The following RAD51B variants were observed in gnomAD, a reference collection of about 807,000 sequenced individuals.
RAD51B encodes RAD51 paralog B, also known as DNA repair protein RAD51 homolog 2.
Under a neutral mutation model 42.2 loss-of-function variants are expected in RAD51B, and 38 were observed. The observed-to-expected ratio is 0.90, with a 90% CI of 0.70 to 1.18. The LOEUF (loss-of-function observed/expected upper bound fraction) is 1.18, where lower values mean the gene tolerates loss of function less well. Among genes scored for constraint, RAD51B ranks in the 50% most tolerant of loss-of-function variants. The pLI is 0.00. For synonymous variants in RAD51B, 154 were observed against 145.2 expected, an observed-to-expected ratio of 1.06 and a Z score of -0.43; for missense variants, 373 against 400.7, an observed-to-expected ratio of 0.93 and a Z score of 0.59.
intron 4 of RAD51B, among the ~76,000 whole-genome samples, chr14:67,837,212 C>T (rs945720515): frequency 2.6e-5 from 4 of 151,968 alleles, no homozygotes; most frequent in African/African-American, 7.3e-5. Context: ...TATACTGCCA[C>T]CAGGTGGTGC....
intron 7 of RAD51B, among the ~76,000 whole-genome samples, chr14:68,083,344 A>G (rs533677709): frequency 1.3e-5 from 2 of 152,340 alleles, no homozygotes; most frequent in African/African-American, 2.4e-5. Flanking sequence ...ACTGGATGCA[A>G]TAATCACACA....
chr14:68,033,376 T>C (rs2076075474), intron 7 of RAD51B, among the ~76,000 whole-genome samples: 1 of 152,236 alleles, frequency 6.6e-6, no homozygotes, highest in African/African-American at 2.4e-5. Flanking sequence ...AATTTTAAAA[T>C]CTCTTTATGT....
At position 68,297,415 on chromosome 14, in the gene RAD51B, A is replaced by T. The variant is rs1694203850; in HGVS notation, c.853+5435A>T. Among the ~76,000 whole-genome samples, 5 of 152,202 alleles carry T rather than the reference A, an allele frequency of 3.3e-5. No individual in the cohort carries two copies. In the South Asian group the frequency reaches 1.0e-3, roughly 31 times the overall value. On this transcript the variant is annotated intron_variant, in intron 8 of 10. Coordinates refer to ENST00000471583, the MANE Select transcript of RAD51B (RefSeq NM_133510.4). ...TGTGTATTTTCAGCTTTATTATTAT[A>T]GTTATGATTTATTGTCCTGCATTAC...
intron 7 of RAD51B, among the ~76,000 whole-genome samples, chr14:68,238,091 A>T (rs1190075953): frequency 6.6e-6 from 1 of 152,126 alleles, no homozygotes; most frequent in African/African-American, 2.4e-5. Flanking sequence ...CATTTTGAGG[A>T]GCTGCCAAAT....
chr14:68,468,324 A>G (rs552391765), intron 10 of RAD51B, 74 bp downstream of exon 10: 5 of 1,427,752 alleles, frequency 3.5e-6, no homozygotes, highest in Non-Finnish European at 4.9e-6. Flanking sequence ...AATTAGTGCT[A>G]TGGTTCTGAT....
intron 7 of RAD51B, among the ~76,000 whole-genome samples, chr14:68,223,847 C>T (rs2079980049): frequency 6.6e-6 from 1 of 152,144 alleles, no homozygotes; most frequent in African/African-American, 2.4e-5. Context: ...GCTATTGTTT[C>T]TTTATGGTTT....
At chr14:68,151,121 T>C (rs2078370017) in intron 7 of RAD51B, among the ~76,000 whole-genome samples, 1 of 151,936 alleles carries the variant, frequency 6.6e-6, no homozygotes, top group Admixed American at 6.6e-5. Flanking sequence ...TTTTAGCTTT[T>C]GTTTATCTGA....
At chr14:68,031,400 CAG>C (rs1412816063) in intron 7 of RAD51B, among the ~76,000 whole-genome samples, 9 of 152,166 alleles carry the variant, frequency 5.9e-5, no homozygotes, top group Non-Finnish European at 1.3e-4. Context: ...GGTGGGGACA[CAG>C]AGCCAAACCA....
intron 8 of RAD51B, among the ~76,000 whole-genome samples, chr14:68,356,915 G>T (rs374983464): frequency 6.8e-6 from 1 of 148,090 alleles, no homozygotes; most frequent in East Asian, 2.0e-4. Flanking sequence ...CCCGGGAGGC[G>T]GAGCTTGCAG....
Position 68,034,768 on chromosome 14 carries a change from GA to G in RAD51B, c.756+147567del, listed in dbSNP as rs1357464968. Among the ~76,000 whole-genome samples, 16 of 152,216 alleles carry G rather than the reference GA, an allele frequency of 1.1e-4. No individual in the cohort carries two copies. The East Asian group carries it at 2.5e-3, about 24-fold the overall frequency. On this transcript the variant is annotated intron_variant, in intron 7 of 10. Coordinates refer to ENST00000471583, the MANE Select transcript of RAD51B (RefSeq NM_133510.4). ...AAGTTACCCAGACGAAGATTATATAGAAAGTTAGGGTAATGACATTCCCAAG... is the reference window on the plus strand; with the variant it reads ...AAGTTACCCAGACGAAGATTATATAGAAGTTAGGGTAATGACATTCCCAAG...
chr14:68,096,935 T>C (rs1400763627), intron 7 of RAD51B, among the ~76,000 whole-genome samples: 1 of 152,250 alleles, frequency 6.6e-6, no homozygotes, highest in Non-Finnish European at 1.5e-5. Flanking sequence ...AAAATCATTA[T>C]GCTGGTGATG....
At chr14:68,087,706 A>G (rs538991570) in intron 7 of RAD51B, among the ~76,000 whole-genome samples, 58 of 151,112 alleles carry the variant, frequency 3.8e-4, no homozygotes, top group African/African-American at 1.4e-3. Context: ...AATGTGCATC[A>G]TGGTTAGAAT....
At chr14:68,516,443 G>A (rs1547938) in intron 10 of RAD51B, among the ~76,000 whole-genome samples, 14,196 of 152,166 alleles carry the variant, frequency 0.093, 832 homozygotes, top group Middle Eastern at 0.27. Context: ...TTCTCATATC[G>A]GCTTCTGCAT....
At chr14:68,537,157 C>T (rs932162301) in intron 10 of RAD51B, among the ~76,000 whole-genome samples, 1 of 150,234 alleles carries the variant, frequency 6.7e-6, no homozygotes, top group African/African-American at 2.4e-5. Context: ...AGCACATGTC[C>T]CTGAATAGAG....
intron 7 of RAD51B, among the ~76,000 whole-genome samples, chr14:67,918,130 C>T (rs530954730): frequency 1.3e-5 from 2 of 151,848 alleles, no homozygotes; most frequent in East Asian, 3.9e-4. Context: ...AAGAATATTA[C>T]AGAAATATTA....
intron 7 of RAD51B, among the ~76,000 whole-genome samples, chr14:68,079,306 A>G (rs1261624121): frequency 1.3e-5 from 2 of 152,010 alleles, no homozygotes; most frequent in East Asian, 3.9e-4. Flanking sequence ...TTTCTTTTTT[A>G]TTTCATGTGG....
intron 9 of RAD51B, among the ~76,000 whole-genome samples, chr14:68,438,659 A>G (rs978806649): frequency 2.0e-5 from 3 of 152,154 alleles, no homozygotes; most frequent in Non-Finnish European, 2.9e-5. Flanking sequence ...TCCACTCTCA[A>G]TGCCATTTCC....
At chr14:67,924,816 G>T (rs956151935) in intron 7 of RAD51B, among the ~76,000 whole-genome samples, 1 of 152,130 alleles carries the variant, frequency 6.6e-6, no homozygotes, top group Non-Finnish European at 1.5e-5. Flanking sequence ...AACCAATCAT[G>T]CCTTCCCAAA....
At chr14:67,838,610 T>A (rs1402092139) in intron 4 of RAD51B, among the ~76,000 whole-genome samples, 1 of 152,018 alleles carries the variant, frequency 6.6e-6, no homozygotes, top group Non-Finnish European at 1.5e-5. Context: ...GCCTGGCTAA[T>A]TTTTTAAAAT....
Sources: gnomAD v4.1 joint callset for allele counts (sites outside exome capture counted in the v4.1 genomes callset) on GRCh38, gnomAD v4.1.1 for gene constraint, MANE v1.5 for transcripts, NCBI Gene and HGNC (gene_info 2026-07-23, HGNC 2026-07-21) for gene names.